PCDH15: variants seen among roughly 807,000 people sequenced by gnomAD.
The protein encoded by PCDH15 is protocadherin-15.
Under a neutral mutation model 178.5 loss-of-function variants are expected in PCDH15, and 129 were observed. The observed-to-expected ratio is 0.72, with a 90% CI of 0.63 to 0.84. The LOEUF (loss-of-function observed/expected upper bound fraction) is 0.84. Ranked by LOEUF, PCDH15 falls within the 40% of genes least tolerant of loss-of-function variation. The pLI is 0.00. For synonymous variants in PCDH15, 800 were observed against 732.0 expected (o/e 1.09, Z -1.50); for missense variants, 2,230 against 2,099.9 (o/e 1.06, Z -1.21).
intron 8 of PCDH15, among the ~76,000 whole-genome samples, chr10:54,289,533 G>C (rs2059260068): frequency 6.6e-6 from 1 of 152,198 alleles, no homozygotes; most frequent in Admixed American, 6.5e-5. Context: ...AGCAAAGCTG[G>C]ATGGAGAATG....
chr10:54,281,812 G>A (rs1457295804), intron 8 of PCDH15, among the ~76,000 whole-genome samples: 2 of 151,924 alleles, frequency 1.3e-5, no homozygotes, highest in Non-Finnish European at 2.9e-5. Context: ...TCTTGCCCAT[G>A]CCAGCCCAAC....
chr10:53,894,038 T>C (rs2081776507), intron 26 of PCDH15, among the ~76,000 whole-genome samples: 1 of 151,910 alleles, frequency 6.6e-6, no homozygotes, highest in Non-Finnish European at 1.5e-5. Context: ...CAAAAATTAT[T>C]GAAATAAAAT....
At chr10:55,043,832 C>T (rs1227396603) in intron 2 of PCDH15, among the ~76,000 whole-genome samples, 1 of 151,956 alleles carries the variant, frequency 6.6e-6, no homozygotes, top group African/African-American at 2.4e-5. Context: ...TGGATACTTG[C>T]TTACATAGCC....
intron 2 of PCDH15, among the ~76,000 whole-genome samples, chr10:55,465,357 G>A (rs1002377996): frequency 5.9e-5 from 9 of 152,142 alleles, no homozygotes; most frequent in East Asian, 1.9e-4. Flanking sequence ...GGACTATTGC[G>A]TAAATTGCAC....
At chr10:54,534,346 A>T (rs1438469272) in intron 2 of PCDH15, among the ~76,000 whole-genome samples, 1 of 152,116 alleles carries the variant, frequency 6.6e-6, no homozygotes, top group Non-Finnish European at 1.5e-5. Flanking sequence ...GTCTGTAGGG[A>T]CAAAAATTTG....
In PCDH15 at chr10:54,749,396, G is replaced by C. The variant is rs141758430; in HGVS notation, c.-29+51529C>G. Among the ~76,000 whole-genome samples, 1,149 of 152,172 alleles carry C rather than the reference G, an allele frequency of 7.6e-3. 11 individuals carry two copies. Among genetic ancestry groups the C allele is most frequent in the African/African-American group, 0.026 (1,067 of 41,530 alleles). On this transcript the variant is annotated intron_variant, in intron 1 of 37. Transcript: ENST00000644397. Reference sequence around the variant, plus strand: ...AAAAGTTTACCCCATTAACACTAGGGAGCATATTCAAAGAATCCAAAATTC... The same window carrying C: ...AAAAGTTTACCCCATTAACACTAGGCAGCATATTCAAAGAATCCAAAATTC...
Position 53,823,229 on chromosome 10 carries a change from G to A in PCDH15, c.4368-2999C>T, listed in dbSNP as rs376485360. The A allele has an allele frequency of 3.0e-5, 49 of 1,613,836 alleles. No homozygotes were observed. The highest frequency in any genetic ancestry group is 1.6e-4 in the Middle Eastern group (1 of 6,084). The stretch of plus-strand genomic sequence containing the variant: ...TCAGTTTGTTGCTCTTAAGTGATCC[G>A]TCTACATGAGCTGACTTGTGAGCCT... On this transcript the variant is annotated intron_variant, in intron 32 of 37. Transcript: ENST00000644397.
chr10:54,323,994 T>C (rs1258778620), intron 7 of PCDH15, among the ~76,000 whole-genome samples: 1 of 152,136 alleles, frequency 6.6e-6, no homozygotes. Context: ...TGCTCATGTA[T>C]CTTTAGTAGC....
chr10:55,547,910 TGAGAGAGAGAGAGA>T lies in PCDH15; in HGVS notation c.-156+79701_-156+79714del, dbSNP rs763752387. On this transcript the variant is annotated intron_variant, in intron 2 of 5. Transcript: ENST00000613346. ...TGGTGTGTGTGTCTGTGTGTGTGTGTGAGAGAGAGAGAGAGAGAGAGAGAGAGAGAGAGAGAGAG... is the reference window on the plus strand; with the variant it reads ...TGGTGTGTGTGTCTGTGTGTGTGTGTGAGAGAGAGAGAGAGAGAGAGAGAG... Among the ~76,000 whole-genome samples the T allele has an allele frequency of 3.0e-3, 162 of 54,544 alleles. 1 individual carries two copies. Among genetic ancestry groups the T allele is most frequent in the East Asian group, 0.013 (23 of 1,806 alleles). 35.8% of individuals were successfully genotyped at this position (54,544 alleles called of 152,430 possible). A position where few individuals can be genotyped will look rare whatever the true frequency, so the allele number is the denominator to read the frequency against.
intron 1 of PCDH15, among the ~76,000 whole-genome samples, chr10:55,173,103 T>C (rs1323272271): frequency 2.6e-5 from 4 of 152,002 alleles, no homozygotes; most frequent in Non-Finnish European, 5.9e-5. Flanking sequence ...GTATCAATTC[T>C]GCAAAAAATT....
intron 6 of PCDH15, among the ~76,000 whole-genome samples, chr10:54,340,272 A>G (rs886799674): frequency 3.3e-5 from 5 of 152,000 alleles, no homozygotes; most frequent in African/African-American, 1.2e-4. Context: ...TATTGTTGTC[A>G]TTGGCTAATG....
rs570041830 is a variant in PCDH15, at chr10:53,862,345, C to T, written c.3717+4297G>A. Among the ~76,000 whole-genome samples, 147 of 152,226 alleles carry T rather than the reference C, an allele frequency of 9.7e-4. 1 individual carries two copies. The highest frequency in any genetic ancestry group is 3.4e-3 in the African/African-American group (140 of 41,558). ...GGATTACAGGCTGAGCCAACACACC[C>T]GGCCATTGTACTTTGAATTGATTTT... On this transcript the variant is annotated intron_variant, in intron 27 of 37. Coordinates refer to ENST00000644397, the MANE Select transcript of PCDH15 (RefSeq NM_001384140.1).
At chr10:54,227,325 C>T (rs1246274676) in intron 9 of PCDH15, among the ~76,000 whole-genome samples, 1 of 152,222 alleles carries the variant, frequency 6.6e-6, no homozygotes, top group East Asian at 1.9e-4. Context: ...CTCACAGGCT[C>T]AATACTTTGT....
chr10:55,565,542 C>T (rs1409424754), intron 2 of PCDH15, among the ~76,000 whole-genome samples: 1 of 151,318 alleles, frequency 6.6e-6, no homozygotes, highest in Non-Finnish European at 1.5e-5. Context: ...GATAGAAAAA[C>T]AATGAAACCA....
At chr10:54,195,537 G>T in intron 11 of PCDH15, 146 bp downstream of exon 11, 1 of 667,856 alleles carries the variant, frequency 1.5e-6, no homozygotes, top group Non-Finnish European at 2.5e-6. Flanking sequence ...TCCTTGTTTT[G>T]GAATTAAATT....
chr10:54,502,569 A>C (rs2080792970), intron 3 of PCDH15, among the ~76,000 whole-genome samples: 1 of 152,124 alleles, frequency 6.6e-6, no homozygotes, highest in African/African-American at 2.4e-5. Flanking sequence ...TGTGTTCTAC[A>C]CTGTGTCTCT....
chr10:55,553,473 T>A (rs150215128), intron 2 of PCDH15, among the ~76,000 whole-genome samples: 152 of 151,978 alleles, frequency 1.0e-3, no homozygotes, highest in African/African-American at 3.6e-3. Flanking sequence ...AAACAAAAAC[T>A]TATTCATCAT....
At chr10:54,715,397 T>G (rs1375619349) in intron 1 of PCDH15, among the ~76,000 whole-genome samples, 3 of 152,068 alleles carry the variant, frequency 2.0e-5, no homozygotes, top group Non-Finnish European at 4.4e-5. Context: ...AAATGGCGGG[T>G]TAGAGGCTGT....
chr10:54,032,462 A>C (rs2093320706), intron 18 of PCDH15, among the ~76,000 whole-genome samples: 1 of 151,964 alleles, frequency 6.6e-6, no homozygotes, highest in African/African-American at 2.4e-5. Flanking sequence ...GATATGCAAT[A>C]ATTTCTGCCA....
Sources: gnomAD v4.1 joint callset for allele counts (sites outside exome capture counted in the v4.1 genomes callset) on GRCh38, gnomAD v4.1.1 for gene constraint, MANE v1.5 for transcripts, NCBI Gene and HGNC (gene_info 2026-07-23, HGNC 2026-07-21) for gene names.